The following PDGFC variants were observed in gnomAD, a reference collection of about 807,000 sequenced individuals.
PDGFC encodes the protein platelet derived growth factor C, also known as platelet-derived growth factor C.
Under a neutral mutation model 35.5 loss-of-function variants are expected in PDGFC, and 12 were observed. That is an observed-to-expected ratio of 0.34 (90% CI 0.22 to 0.55). The LOEUF (loss-of-function observed/expected upper bound fraction) is 0.55. Ranked by LOEUF, PDGFC falls within the 20% of genes least tolerant of loss-of-function variation. PDGFC has a pLI of 0.91. For missense variants in PDGFC, 322 were observed against 412.4 expected (o/e 0.78, Z 1.90); for synonymous variants, 159 against 148.8 (o/e 1.07, Z -0.50).
chr4:156,876,363 A>T (rs927743990), intron 1 of PDGFC: 2 of 151,852 alleles, frequency 1.3e-5, no homozygotes, highest in Non-Finnish European at 2.9e-5. Context: ...TTATTGAAAA[A>T]AGTTACTTGA....
Position 156,925,506 on chromosome 4 carries a change from C to CT in PDGFC, c.118+45279dup, listed in dbSNP as rs1360412843. On this transcript the variant is annotated intron_variant, in intron 1 of 5. Coordinates refer to ENST00000502773, the MANE Select transcript of PDGFC (RefSeq NM_016205.3). The stretch of plus-strand genomic sequence containing the variant: ...CTCTGCACATGGTACTGGCGGGTAC[C>CT]TTTAAGAAGGCAGAAGAATAGGGGA... Among the ~76,000 whole-genome samples, 6 of 152,016 alleles carry CT rather than the reference C, an allele frequency of 3.9e-5. No individual in the cohort carries two copies. The South Asian group carries it at 1.2e-3, about 32-fold the overall frequency.
chr4:156,945,669 T>C (rs148799027), intron 1 of PDGFC, among the ~76,000 whole-genome samples: 78 of 151,998 alleles, frequency 5.1e-4, no homozygotes, highest in Non-Finnish European at 8.4e-4. Flanking sequence ...GCAGGAGCGA[T>C]TGGCAGAGCA....
At chr4:156,917,281 T>C (rs908364004) in intron 1 of PDGFC, among the ~76,000 whole-genome samples, 1 of 152,166 alleles carries the variant, frequency 6.6e-6, no homozygotes, top group Admixed American at 6.6e-5. Context: ...AGGTCACACT[T>C]CACATTTTAT....
chr4:156,919,452 C>A (rs1206208996), intron 1 of PDGFC, among the ~76,000 whole-genome samples: 1 of 151,652 alleles, frequency 6.6e-6, no homozygotes, highest in Non-Finnish European at 1.5e-5. Context: ...AAGCAGACAG[C>A]CCAAGTGGCA....
At chr4:156,934,501 T>C (rs1050386460) in intron 1 of PDGFC, among the ~76,000 whole-genome samples, 3 of 152,182 alleles carry the variant, frequency 2.0e-5, no homozygotes, top group African/African-American at 4.8e-5. Context: ...CTGTACACTT[T>C]TGTAGAATTT....
At chr4:156,906,637 G>A (rs934658343) in intron 1 of PDGFC, among the ~76,000 whole-genome samples, 1 of 151,996 alleles carries the variant, frequency 6.6e-6, no homozygotes, top group Admixed American at 6.6e-5. Context: ...TCTTGAGCAC[G>A]GACAAAGGTT....
At chr4:156,823,540 C>A (rs1732329306) in intron 2 of PDGFC, among the ~76,000 whole-genome samples, 3 of 152,136 alleles carry the variant, frequency 2.0e-5, no homozygotes, top group Admixed American at 1.3e-4. Context: ...CAAAGCTCCT[C>A]ATGCAAAGAT....
intron 1 of PDGFC, among the ~76,000 whole-genome samples, chr4:156,867,803 G>A (rs342318): frequency 0.22 from 33,619 of 152,060 alleles, 4,467 homozygotes; most frequent in South Asian, 0.53. Context: ...GGAATTGATC[G>A]GAGTGCTAAG....
chr4:156,840,807 G>A (rs550138879), intron 2 of PDGFC, among the ~76,000 whole-genome samples: 2 of 152,304 alleles, frequency 1.3e-5, no homozygotes, highest in Admixed American at 6.5e-5. Flanking sequence ...GTGAGACATG[G>A]ACTCAAAGGG....
chr4:156,950,672 T>C (rs1184936362), intron 1 of PDGFC, among the ~76,000 whole-genome samples: 1 of 151,846 alleles, frequency 6.6e-6, no homozygotes, highest in Non-Finnish European at 1.5e-5. Context: ...GTTCTTTTTT[T>C]TTCCTCTCCA....
At chr4:156,877,807 C>T (rs182345429) in intron 1 of PDGFC, among the ~76,000 whole-genome samples, 24 of 152,262 alleles carry the variant, frequency 1.6e-4, no homozygotes, top group African/African-American at 5.5e-4. Context: ...CCCAACCTCT[C>T]CCCGGCAACC....
chr4:156,807,937 C>A (rs1731816215), intron 3 of PDGFC, among the ~76,000 whole-genome samples: 1 of 151,932 alleles, frequency 6.6e-6, no homozygotes, highest in African/African-American at 2.4e-5. Context: ...CATTAGTATG[C>A]ACTCAATTCT....
At chr4:156,771,934 T>C (rs1455485032) in intron 4 of PDGFC, among the ~76,000 whole-genome samples, 1 of 152,178 alleles carries the variant, frequency 6.6e-6, no homozygotes, top group Non-Finnish European at 1.5e-5. Flanking sequence ...CCAATTCCAA[T>C]GTTACTAAAA....
intron 1 of PDGFC, among the ~76,000 whole-genome samples, chr4:156,926,687 C>A (rs1269492916): frequency 6.6e-6 from 1 of 152,250 alleles, no homozygotes; most frequent in African/African-American, 2.4e-5. Context: ...TTTCCCTGGT[C>A]TTGCGCAGCT....
chr4:156,851,084 A>G (rs1729441713), intron 1 of PDGFC, among the ~76,000 whole-genome samples: 2 of 152,118 alleles, frequency 1.3e-5, no homozygotes, highest in African/African-American at 2.4e-5. Context: ...GAGCTGGCAA[A>G]ATGTTCTTAA....
In PDGFC at chr4:156,941,355, G is replaced by A. The variant is rs1480485450; in HGVS notation, c.118+29431C>T. ...GAAAATGAAATATCCTCTTACAAAT[G>A]AGAAACTGCACGGGATGACGGTCAA... On this transcript the variant is annotated intron_variant, in intron 1 of 5. Coordinates refer to ENST00000502773, the MANE Select transcript of PDGFC (RefSeq NM_016205.3). Among the ~76,000 whole-genome samples the A allele has an allele frequency of 2.0e-5, 3 of 152,070 alleles. No individual in the cohort carries two copies. In the East Asian group the frequency reaches 5.8e-4, roughly 29 times the overall value.
chr4:156,881,616 G>C, intron 1 of PDGFC, among the ~76,000 whole-genome samples: 1 of 152,004 alleles, frequency 6.6e-6, no homozygotes, highest in Non-Finnish European at 1.5e-5. Flanking sequence ...GGATCGCCTG[G>C]AGTCAGGAGT....
At chr4:156,775,517 A>G (rs1422142984) in intron 3 of PDGFC, among the ~76,000 whole-genome samples, 1 of 152,216 alleles carries the variant, frequency 6.6e-6, no homozygotes, top group Non-Finnish European at 1.5e-5. Context: ...ACTGTAATCC[A>G]AGAATGATTT....
chr4:156,913,398 C>A (rs1731084701), intron 1 of PDGFC, among the ~76,000 whole-genome samples: 1 of 151,936 alleles, frequency 6.6e-6, no homozygotes, highest in African/African-American at 2.4e-5. Flanking sequence ...TGTACCAGGC[C>A]AAACTGCAAT....
Sources: allele counts gnomAD v4.1 joint callset (sites outside exome capture counted in the v4.1 genomes callset), GRCh38; gene constraint gnomAD v4.1.1; transcripts MANE v1.5; gene names NCBI Gene and HGNC (gene_info 2026-07-23, HGNC 2026-07-21).